Variants in NSMAF observed in about 807,000 individuals in gnomAD.
NSMAF encodes the protein neutral sphingomyelinase activation associated factor.
In NSMAF, 90 loss-of-function variants were observed where a neutral mutation model predicts 134.9. The observed-to-expected ratio is 0.67, with a 90% CI of 0.56 to 0.79. The LOEUF (loss-of-function observed/expected upper bound fraction) is 0.79. NSMAF is among the 30% of genes least tolerant of loss of function. The pLI, the probability that NSMAF is intolerant of heterozygous loss-of-function variation, is 0.00. For missense variants in NSMAF, 1,010 were observed against 1,119.0 expected (o/e 0.90, Z 1.39); for synonymous variants, 358 against 389.6 (o/e 0.92, Z 0.96).
intron 12 of NSMAF, among the ~76,000 whole-genome samples, chr8:58,605,126 T>C (rs1302422278): frequency 2.0e-5 from 3 of 152,200 alleles, no homozygotes; most frequent in African/African-American, 7.2e-5. Flanking sequence ...AGCCTTGCAA[T>C]GTAATAAAAA....
At chr8:58,635,423 C>A in intron 3 of NSMAF, 45 bp downstream of exon 3, 1 of 1,569,688 alleles carries the variant, frequency 6.4e-7, no homozygotes, top group Admixed American at 1.9e-5. Flanking sequence ...GTAAGACATA[C>A]ACAAAAAATA....
At chr8:58,601,591 C>T (rs1241331375) in intron 14 of NSMAF, 56 bp from the exon 15 acceptor site, 1 of 1,533,966 alleles carries the variant, frequency 6.5e-7, no homozygotes, top group African/African-American at 1.4e-5. Flanking sequence ...GAAATAATAA[C>T]TGACAAGTAG....
intron 2 of NSMAF, among the ~76,000 whole-genome samples, chr8:58,636,334 CCT>C (rs997096956): frequency 3.3e-5 from 5 of 152,142 alleles, no homozygotes; most frequent in Non-Finnish European, 7.4e-5. Flanking sequence ...CTGAAGACAG[CCT>C]CTCTTAATAA....
At chr8:58,639,286 TAAA>T (rs747282052) in intron 2 of NSMAF, among the ~76,000 whole-genome samples, 4 of 107,682 alleles carry the variant, frequency 3.7e-5, no homozygotes, top group African/African-American at 6.6e-5. Flanking sequence ...TCCGTCTCAA[TAAA>T]AAAAAAAAAA....
chr8:58,638,420 A>G (rs1807252946), intron 2 of NSMAF, among the ~76,000 whole-genome samples: 1 of 152,076 alleles, frequency 6.6e-6, no homozygotes, highest in African/African-American at 2.4e-5. Context: ...ACAAAGCTAC[A>G]TTAATCAAAA....
Position 58,628,090 on chromosome 8 carries a change from T to C in NSMAF, c.384+3406A>G, listed in dbSNP as rs148303650. Among the ~76,000 whole-genome samples, 12 of 152,232 alleles carry C rather than the reference T, an allele frequency of 7.9e-5. 1 individual carries two copies. In the East Asian group the frequency reaches 1.3e-3, roughly 17 times the overall value. ...ACCCAGAAATAAAGCCAAATACTTA[T>C]AGCCAACTGATCTTTGACAAAGCAT... is the stretch of plus-strand genomic sequence containing the variant. On this transcript the variant is annotated intron_variant, in intron 6 of 30. Coordinates refer to ENST00000038176, the MANE Select transcript of NSMAF (RefSeq NM_003580.4).
In NSMAF at chr8:58,635,204, T is replaced by G. The variant is rs560556677; in HGVS notation, c.318A>C (p.Ser106=). The change falls in exon 5 of 31, where the codon TCA becomes TCC. Residue 106 remains serine, a synonymous_variant. Coordinates refer to ENST00000038176, the MANE Select transcript of NSMAF (RefSeq NM_003580.4). The stretch of plus-strand genomic sequence containing the variant: ...ATGTGCTTACCTGACTGAAAATGAG[T>G]GAAATACCCCCAGATTTTGCCCTAA... ...HFTKAKSGGI[S]LIFSQVYFIK... The G allele has an allele frequency of 1.2e-6, 2 of 1,610,732 alleles. No individual in the cohort carries two copies. The highest frequency in any genetic ancestry group is 1.7e-6 in the Non-Finnish European group (2 of 1,177,474).
chr8:58,655,131 A>C (rs1807673544), intron 1 of NSMAF, among the ~76,000 whole-genome samples: 1 of 151,794 alleles, frequency 6.6e-6, no homozygotes. Context: ...GAGGCACCAC[A>C]CCTGGCCTAT....
intron 25 of NSMAF, 82 bp downstream of exon 25, chr8:58,589,925 G>T: frequency 8.6e-7 from 1 of 1,163,008 alleles, no homozygotes; most frequent in Non-Finnish European, 1.3e-6. Flanking sequence ...GGCAGGGAAA[G>T]CTTCTGGCTT....
intron 9 of NSMAF, among the ~76,000 whole-genome samples, chr8:58,618,827 G>A (rs1020083813): frequency 2.0e-5 from 3 of 152,026 alleles, no homozygotes; most frequent in African/African-American, 7.2e-5. Context: ...TCAGAAATAC[G>A]ATGAAAGCTT....
chr8:58,584,318 C>CT, intron 30 of NSMAF, 118 bp from the exon 31 acceptor site: 1 of 707,184 alleles, frequency 1.4e-6, no homozygotes. Context: ...GAAGTAAGTT[C>CT]TATTTTTTCT....
In NSMAF at chr8:58,631,533, T is replaced by C; in HGVS notation, c.347A>G (p.Lys116Arg). The C allele has an allele frequency of 6.6e-7, 1 of 1,505,816 alleles. No homozygotes were observed. The highest frequency in any genetic ancestry group is 2.4e-5 in the East Asian group (1 of 42,276). The allele number at this position is 1,505,816 out of a possible 1,614,324, so 93.3% of individuals were successfully genotyped here. The change falls in exon 6 of 31, where the codon AAA becomes AGA. Residue 116 changes from lysine (K) to arginine (R), a missense_variant. Lys to Arg is a conservative substitution (Grantham distance 26). Coordinates refer to ENST00000038176, the MANE Select transcript of NSMAF (RefSeq NM_003580.4). Reference sequence around the variant, plus strand: ...ATATGGTGCAACAACATTATGTTCTTTAATGAAATATACCTGAGCAAGAAA... The same window carrying C: ...ATATGGTGCAACAACATTATGTTCTCTAATGAAATATACCTGAGCAAGAAA... Reference protein sequence around the residue: ...SLIFSQVYFIKEHNVVAPYKI... With the variant: ...SLIFSQVYFIREHNVVAPYKI...
At chr8:58,597,593 G>C in intron 20 of NSMAF, 43 bp from the exon 21 acceptor site, 1 of 1,584,622 alleles carries the variant, frequency 6.3e-7, no homozygotes, top group Non-Finnish European at 8.6e-7. Flanking sequence ...CACTAGGTTC[G>C]AGTTCCTTGA....
chr8:58,645,159 A>G (rs1451780390), intron 1 of NSMAF, among the ~76,000 whole-genome samples: 3 of 151,868 alleles, frequency 2.0e-5, no homozygotes, highest in African/African-American at 4.8e-5. Flanking sequence ...CCAAGAGGAC[A>G]GGGTTTGTAA....
At chr8:58,612,286 C>G (rs773520443) in intron 9 of NSMAF, among the ~76,000 whole-genome samples, 4 of 152,074 alleles carry the variant, frequency 2.6e-5, no homozygotes, top group African/African-American at 9.7e-5. Context: ...GCCTATGTGA[C>G]GAAACCTCCA....
chr8:58,595,518 C>T (rs1420281682), intron 22 of NSMAF, 42 bp downstream of exon 22: 1 of 1,423,408 alleles, frequency 7.0e-7, no homozygotes, highest in Non-Finnish European at 9.9e-7. Context: ...CTAACTTTTA[C>T]CAGGACTATC....
At chr8:58,659,052 A>C in intron 1 of NSMAF, 1 of 689,378 alleles carries the variant, frequency 1.5e-6, no homozygotes. Flanking sequence ...AGTCGGCAGG[A>C]AAAAGGCGCG....
At position 58,601,546 on chromosome 8, in the gene NSMAF, G is replaced by GAAAA. The variant is rs33942423; in HGVS notation, c.1126-15_1126-12dup. Reference sequence around the variant, plus strand: ...TTCCTGGTAGCGTGTCTAGAATACAGAAAAAAAAAAAAAATAGAGCTAAGT... The same window carrying GAAAA: ...TTCCTGGTAGCGTGTCTAGAATACAGAAAAAAAAAAAAAAAAAATAGAGCTAAGT... On this transcript the variant is annotated splice_polypyrimidine_tract_variant and intron_variant, in intron 14 of 30. Transcript: ENST00000038176. The GAAAA allele has an allele frequency of 0.083, 116,834 of 1,399,740 alleles. 280 individuals carry two copies. Among genetic ancestry groups the GAAAA allele is most frequent in the South Asian group, 0.1 (6,782 of 66,840 alleles). The allele number at this position is 1,399,740 out of a possible 1,614,324, so 86.7% of individuals were successfully genotyped here.
intron 2 of NSMAF, chr8:58,637,400 G>A (rs761104250): frequency 2.6e-5 from 12 of 456,036 alleles, no homozygotes; most frequent in Non-Finnish European, 5.3e-5. Flanking sequence ...CTTTTCAAAA[G>A]ATAGAGGTAA....
Sources: allele counts gnomAD v4.1 joint callset (sites outside exome capture counted in the v4.1 genomes callset), GRCh38; gene constraint gnomAD v4.1.1; transcripts MANE v1.5; gene names NCBI Gene and HGNC (gene_info 2026-07-23, HGNC 2026-07-21).